CLEC2D: variants seen among roughly 807,000 people sequenced by gnomAD.
The protein encoded by CLEC2D is C-type lectin related f.
CLEC2D carries 16 observed loss-of-function variants against 20.0 expected under a neutral mutation model. The ratio of observed to expected loss-of-function variants is 0.80; its 90% confidence interval spans 0.54 to 1.22. The LOEUF is 1.22. Among genes scored for constraint, CLEC2D ranks in the 50% most tolerant of loss-of-function variants. The pLI, the probability that CLEC2D is intolerant of heterozygous loss-of-function variation, is 0.00. For synonymous variants in CLEC2D, 77 were observed against 71.1 expected (o/e 1.08, Z -0.42); for missense variants, 207 against 221.5 (o/e 0.93, Z 0.42).
intron 2 of CLEC2D, among the ~76,000 whole-genome samples, chr12:9,683,212 A>C (rs1865673933): frequency 6.6e-6 from 1 of 151,538 alleles, no homozygotes; most frequent in South Asian, 2.1e-4. Flanking sequence ...TATTCTTGTA[A>C]ATTTTTTTAA....
At chr12:9,671,988 C>G (rs1865434242) in intron 1 of CLEC2D, among the ~76,000 whole-genome samples, 1 of 151,862 alleles carries the variant, frequency 6.6e-6, no homozygotes, top group Non-Finnish European at 1.5e-5. Flanking sequence ...CTTGTTGCCA[C>G]ACATATATAG....
chr12:9,695,433 A>G lies in CLEC2D; in HGVS notation c.*559A>G, dbSNP rs1007394870. ...ATGAGCCCCCTGAGGCCCCAGAACT[A>G]TCTTTTCAGTTGTGAACTAAAGGCC... On this transcript the variant is annotated 3_prime_UTR_variant, in exon 5 of 5. Transcript: ENST00000290855. 6.1e-6 allele frequency: 9 copies of G among 1,478,304 alleles called. No homozygotes were observed. In the African/African-American group the frequency reaches 8.5e-5, roughly 14 times the overall value. The allele number at this position is 1,478,304 out of a possible 1,614,324, so 91.6% of individuals were successfully genotyped here. A position where few individuals can be genotyped will look rare whatever the true frequency, so the allele number is the denominator to read the frequency against.
chr12:9,680,973 T>C lies in CLEC2D; in HGVS notation c.112T>C (p.Leu38=). 6.2e-7 allele frequency: 1 copy of C among 1,608,032 alleles called. No individual in the cohort carries two copies. The highest frequency in any genetic ancestry group is 1.1e-5 in the South Asian group (1 of 90,906). Residue 38 remains leucine, a synonymous_variant, in exon 2 of 5, where the codon TTA becomes CTA. Coordinates refer to ENST00000290855, the MANE Select transcript of CLEC2D (RefSeq NM_013269.6). ...HSIKATLIWR[L]FFLIMFLTII... Reference sequence around the variant, plus strand: ...TATTAAAGCTACCTTAATTTGGCGCTTATTTTTCTTAATCATGTTTCTGAC... The same window carrying C: ...TATTAAAGCTACCTTAATTTGGCGCCTATTTTTCTTAATCATGTTTCTGAC...
At chr12:9,687,011 A>G (rs1865762724) in intron 2 of CLEC2D, among the ~76,000 whole-genome samples, 1 of 152,180 alleles carries the variant, frequency 6.6e-6, no homozygotes, top group Non-Finnish European at 1.5e-5. Flanking sequence ...GCAATCGCCA[A>G]CCTTGTTGGC....
rs751227406 is a variant in CLEC2D, at chr12:9,695,187, GC to G, written c.*314del. ...AATCATGACAGAAGGCAAATGGGAA[GC>G]AAAGTCATGTCTTATGTGGTGGCAG... On this transcript the variant is annotated 3_prime_UTR_variant, in exon 5 of 5. Transcript: ENST00000290855. 4 of 589,218 alleles carry G rather than the reference GC, an allele frequency of 6.8e-6. No individual in the cohort carries two copies. The highest frequency in any genetic ancestry group is 1.2e-5 in the Non-Finnish European group (4 of 330,754). The allele number at this position is 589,218 out of a possible 1,614,324, so 36.5% of individuals were successfully genotyped here. A position where few individuals can be genotyped will look rare whatever the true frequency, so the allele number is the denominator to read the frequency against.
At chr12:9,674,870 A>T (rs1865490981) in intron 1 of CLEC2D, among the ~76,000 whole-genome samples, 1 of 152,180 alleles carries the variant, frequency 6.6e-6, no homozygotes, top group Non-Finnish European at 1.5e-5. Context: ...TATTATATTT[A>T]AAAAGTCATC....
chr12:9,680,195 T>C, intron 1 of CLEC2D: 1 of 320,812 alleles, frequency 3.1e-6, no homozygotes, highest in Non-Finnish European at 6.5e-6. Context: ...GTTAGGCACT[T>C]CTGTCTCCTG....
In CLEC2D at chr12:9,687,969, T is replaced by C. The variant is rs373797736; in HGVS notation, c.240T>C (p.Ile80=). ...CLQAACPESW[I]GFQRKCFYFS... ...AAGCTGCATGCCCAGAAAGCTGGAT[T>C]GGTTTTCAAAGAAAGTGTTTCTATT... is the stretch of plus-strand genomic sequence containing the variant. Residue 80 remains isoleucine, a synonymous_variant, in exon 3 of 5, where the codon ATT becomes ATC. Transcript: ENST00000290855. 67 of 1,612,370 alleles carry C rather than the reference T, an allele frequency of 4.2e-5. No individual in the cohort carries two copies. Among genetic ancestry groups the C allele is most frequent in the Non-Finnish European group, 5.5e-5 (65 of 1,179,222 alleles).
At position 9,695,986 on chromosome 12, in the gene CLEC2D, T is replaced by A; in HGVS notation, c.*1112T>A. The A allele has an allele frequency of 6.4e-7, 1 of 1,556,952 alleles. No homozygotes were observed. The highest frequency in any genetic ancestry group is 8.7e-7 in the Non-Finnish European group (1 of 1,144,740). On this transcript the variant is annotated 3_prime_UTR_variant, in exon 5 of 5. Coordinates refer to ENST00000290855, the MANE Select transcript of CLEC2D (RefSeq NM_013269.6). ...AAAGTCAAATCAGAATGGAAAAGAC[T>A]CAAAACCATCATCAACACCAAGATC...
At chr12:9,683,260 C>T (rs978220700) in intron 2 of CLEC2D, among the ~76,000 whole-genome samples, 12 of 148,780 alleles carry the variant, frequency 8.1e-5, no homozygotes, top group South Asian at 2.1e-4. Context: ...GTTTGTCAAA[C>T]GGATAGATTG....
chr12:9,677,568 A>G (rs923185353), intron 1 of CLEC2D, among the ~76,000 whole-genome samples: 91 of 152,152 alleles, frequency 6.0e-4, no homozygotes, highest in African/African-American at 1.9e-3. Context: ...ATTCCATGTA[A>G]TCTTGAGAGT....
intron 4 of CLEC2D, 200 bp downstream of exon 4, chr12:9,693,131 T>A (rs1865903414): frequency 6.3e-7 from 1 of 1,584,558 alleles, no homozygotes; most frequent in Non-Finnish European, 8.7e-7. Flanking sequence ...GTAGACTGAC[T>A]GTGAACTTGG....
intron 4 of CLEC2D, among the ~76,000 whole-genome samples, chr12:9,694,139 A>G (rs889117575): frequency 6.6e-6 from 1 of 151,996 alleles, no homozygotes; most frequent in African/African-American, 2.4e-5. Context: ...AGGATCAAAT[A>G]TATTATTAAC....
chr12:9,674,790 C>G lies in CLEC2D; in HGVS notation c.61+4995C>G, dbSNP rs1865489780. ...TTCATTATTTTGATTATGTCTTTTGCAGGTTGAAAGTTTTTAGTTTTAATG... is the reference window on the plus strand; with the variant it reads ...TTCATTATTTTGATTATGTCTTTTGGAGGTTGAAAGTTTTTAGTTTTAATG... On this transcript the variant is annotated intron_variant, in intron 1 of 4. Transcript: ENST00000290855. Among the ~76,000 whole-genome samples the G allele has an allele frequency of 2.6e-5, 4 of 152,094 alleles. No individual in the cohort carries two copies. The South Asian group carries it at 8.3e-4, about 31-fold the overall frequency.
At chr12:9,681,690 T>A (rs1309207986) in intron 2 of CLEC2D, among the ~76,000 whole-genome samples, 2 of 152,166 alleles carry the variant, frequency 1.3e-5, no homozygotes, top group African/African-American at 4.8e-5. Context: ...CAACCTAAAA[T>A]CTACCCCCTG....
chr12:9,686,442 G>T (rs907847671), intron 2 of CLEC2D, among the ~76,000 whole-genome samples: 4 of 151,898 alleles, frequency 2.6e-5, no homozygotes, highest in Non-Finnish European at 5.9e-5. Context: ...TTATAATTTG[G>T]TATCACCTTG....
chr12:9,688,723 TAATAA>T (rs141742003), intron 3 of CLEC2D, among the ~76,000 whole-genome samples: 53,583 of 151,486 alleles, frequency 0.35, 10,786 homozygotes, highest in East Asian at 0.58. Flanking sequence ...CTCAAAAAAA[TAATAA>T]AATAAAAACA....
At chr12:9,691,239 T>C (rs551651750) in intron 3 of CLEC2D, among the ~76,000 whole-genome samples, 5 of 152,074 alleles carry the variant, frequency 3.3e-5, no homozygotes, top group African/African-American at 4.8e-5. Flanking sequence ...ATATATGTAC[T>C]TAATAATACA....
intron 1 of CLEC2D, among the ~76,000 whole-genome samples, chr12:9,679,699 T>C (rs1246975502): frequency 6.6e-6 from 1 of 152,224 alleles, no homozygotes; most frequent in East Asian, 1.9e-4. Context: ...AACTAAAATC[T>C]ATTGATTAAG....
Sources: allele counts gnomAD v4.1 joint callset (sites outside exome capture counted in the v4.1 genomes callset), GRCh38; gene constraint gnomAD v4.1.1; transcripts MANE v1.5; gene names NCBI Gene and HGNC (gene_info 2026-07-23, HGNC 2026-07-21).